Variants in PIK3AP1 observed in about 807,000 individuals in gnomAD.
The protein encoded by PIK3AP1 is phosphoinositide 3-kinase adapter protein 1.
Under a neutral mutation model 88.1 loss-of-function variants are expected in PIK3AP1, and 21 were observed. The observed-to-expected ratio is 0.24, with a 90% confidence interval of 0.17 to 0.34. The LOEUF (loss-of-function observed/expected upper bound fraction) is 0.34. Ranked by LOEUF, PIK3AP1 falls within the 10% of genes least tolerant of loss-of-function variation. The pLI, the probability that PIK3AP1 is intolerant of heterozygous loss-of-function variation, is 1.00. For synonymous variants in PIK3AP1, 398 were observed against 400.0 expected, an observed-to-expected ratio of 1.00 and a Z score of 0.06; for missense variants, 828 against 1,035.7, an observed-to-expected ratio of 0.80 and a Z score of 2.75.
At chr10:96,697,042 T>C (rs1254429307) in intron 2 of PIK3AP1, among the ~76,000 whole-genome samples, 1 of 152,222 alleles carries the variant, frequency 6.6e-6, no homozygotes, top group Non-Finnish European at 1.5e-5. Flanking sequence ...AGTGGCCAAG[T>C]GAATTGCCTC....
Position 96,609,674 on chromosome 10 carries a change from G to A in PIK3AP1, c.2170+38C>T, listed in dbSNP as rs767867421. 4.4e-6 allele frequency: 7 copies of A among 1,602,094 alleles called. No homozygotes were observed. In the South Asian group the frequency reaches 4.4e-5, roughly 10 times the overall value. On this transcript the variant is annotated intron_variant, in intron 14 of 16. Coordinates refer to ENST00000339364, the MANE Select transcript of PIK3AP1 (RefSeq NM_152309.3). The stretch of plus-strand genomic sequence containing the variant: ...GTCCAAGGGTGCCAGCTGGAGCCCA[G>A]TCAAGAAGACCCCACCCCCGCACCC...
chr10:96,614,633 G>A (rs1035835454), intron 13 of PIK3AP1, among the ~76,000 whole-genome samples: 1 of 152,166 alleles, frequency 6.6e-6, no homozygotes. Context: ...ACAGACCCTA[G>A]TAGGGAAAGC....
Position 96,652,838 on chromosome 10 carries a change from T to G in PIK3AP1, c.572A>C (p.Glu191Ala). The change falls in exon 4 of 17, where the codon GAA (glutamate) becomes GCA (alanine). Residue 191 changes from glutamate (E) to alanine (A), a missense_variant. Glu to Ala is a moderately radical substitution (Grantham distance 107). Transcript: ENST00000339364. The stretch of plus-strand genomic sequence containing the variant: ...TCTCACAATAACATAGACAGTGGTT[T>G]CTGCCTGAAACGGGAAGCCGGTCAT... ...VQPDRIRCGAETTVYVIVRCK... is the reference protein window; with the variant it reads ...VQPDRIRCGAATTVYVIVRCK... 1 of 1,613,304 alleles carries G rather than the reference T, an allele frequency of 6.2e-7. No individual in the cohort carries two copies.
At chr10:96,682,009 TATATAGAGAGAGAGAG>T (rs1844008470) in intron 2 of PIK3AP1, among the ~76,000 whole-genome samples, 1 of 128,668 alleles carries the variant, frequency 7.8e-6, no homozygotes, top group African/African-American at 3.4e-5. Flanking sequence ...TATATATATA[TATATAGAGAGAGAGAG>T]AGAGAGAGAG....
intron 2 of PIK3AP1, among the ~76,000 whole-genome samples, chr10:96,681,483 A>G (rs1314823928): frequency 6.6e-6 from 1 of 152,232 alleles, no homozygotes; most frequent in African/African-American, 2.4e-5. Flanking sequence ...AAGGACGACC[A>G]TTAATCCAAT....
At chr10:96,668,846 G>A (rs867988359) in intron 2 of PIK3AP1, among the ~76,000 whole-genome samples, 1 of 152,012 alleles carries the variant, frequency 6.6e-6, no homozygotes, top group Non-Finnish European at 1.5e-5. Flanking sequence ...ACCACCACAC[G>A]GGGCCAGGCG....
chr10:96,698,835 A>C (rs1844255668), intron 2 of PIK3AP1, among the ~76,000 whole-genome samples: 1 of 152,218 alleles, frequency 6.6e-6, no homozygotes, highest in Admixed American at 6.5e-5. Context: ...TGACTGAATA[A>C]ATGAATGAGT....
intron 2 of PIK3AP1, among the ~76,000 whole-genome samples, chr10:96,706,947 G>A (rs539083161): frequency 1.3e-5 from 2 of 152,154 alleles, no homozygotes; most frequent in African/African-American, 4.8e-5. Flanking sequence ...AGGCTATAAG[G>A]CTTCCTTCCT....
At chr10:96,603,698 ACACACACACACAC>A in intron 15 of PIK3AP1, 3 of 225,810 alleles carry the variant, frequency 1.3e-5, no homozygotes, top group Non-Finnish European at 1.7e-5. Context: ...ACACACACAC[ACACACACACACAC>A]CACATATATA....
At chr10:96,711,803 C>T (rs940878142) in intron 1 of PIK3AP1, among the ~76,000 whole-genome samples, 85 of 128,902 alleles carry the variant, frequency 6.6e-4, no homozygotes, top group African/African-American at 2.3e-3. Context: ...CAGGCTGGAG[C>T]GCAGTGGCAC....
intron 8 of PIK3AP1, among the ~76,000 whole-genome samples, chr10:96,639,545 T>C (rs1589506385): frequency 6.6e-6 from 1 of 152,206 alleles, no homozygotes; most frequent in East Asian, 1.9e-4. Flanking sequence ...TTCAATCCAG[T>C]GTGCTTTCAC....
chr10:96,612,974 ATATATATATT>A (rs1849145828), intron 13 of PIK3AP1, among the ~76,000 whole-genome samples: 5 of 84,870 alleles, frequency 5.9e-5, no homozygotes, highest in South Asian at 3.8e-4. Flanking sequence ...ATATATATAT[ATATATATATT>A]TTTTTTTTTT....
chr10:96,689,461 T>G (rs879627594), intron 2 of PIK3AP1, among the ~76,000 whole-genome samples: 3 of 149,474 alleles, frequency 2.0e-5, no homozygotes, highest in Non-Finnish European at 4.4e-5. Context: ...TCCCAGCTAC[T>G]CAGGAGGCCG....
chr10:96,607,715 G>A (rs1020994667), intron 14 of PIK3AP1, among the ~76,000 whole-genome samples: 2 of 152,170 alleles, frequency 1.3e-5, no homozygotes, highest in East Asian at 3.9e-4. Context: ...TAAAGGCCAC[G>A]TGTAGAGAGG....
rs755769271 is a variant in PIK3AP1, at chr10:96,709,805, G to C, written c.192C>G (p.Thr64=). The C allele has an allele frequency of 1.1e-5, 17 of 1,613,616 alleles. No individual in the cohort carries two copies. Among genetic ancestry groups the C allele is most frequent in the Non-Finnish European group, 1.4e-5 (17 of 1,179,590 alleles). ...CGGACAGCAGCACCACGACACAGCG[G>C]GTGCTGAGGAAAAGGCTTAGGTCCT... is the stretch of plus-strand genomic sequence containing the variant. ...SAEDLSLFLS[T]RCVVVLLSAE... The change falls in exon 2 of 17, where the codon ACC becomes ACG. Residue 64 remains threonine, a synonymous_variant. Transcript: ENST00000339364.
At chr10:96,677,626 C>CACACACAA (rs1554960886) in intron 2 of PIK3AP1, among the ~76,000 whole-genome samples, 5 of 146,412 alleles carry the variant, frequency 3.4e-5, no homozygotes, top group African/African-American at 1.3e-4. Flanking sequence ...CACACACACA[C>CACACACAA]AAAAGGCCTT....
chr10:96,700,191 G>T (rs1004944975), intron 2 of PIK3AP1, among the ~76,000 whole-genome samples: 3 of 152,220 alleles, frequency 2.0e-5, no homozygotes, highest in African/African-American at 7.2e-5. Context: ...GAGGGACCAT[G>T]AAAGTGTAAC....
intron 13 of PIK3AP1, among the ~76,000 whole-genome samples, chr10:96,612,950 G>A (rs2082925): frequency 0.014 from 834 of 59,312 alleles, 8 homozygotes; most frequent in African/African-American, 0.045. Context: ...GTGTGTGTGT[G>A]TATATATATA....
intron 2 of PIK3AP1, among the ~76,000 whole-genome samples, chr10:96,693,446 T>C (rs1241175561): frequency 2.6e-5 from 4 of 151,652 alleles, no homozygotes; most frequent in Non-Finnish European, 4.4e-5. Flanking sequence ...GATGAGTGGA[T>C]GGATGGATGG....
Sources: allele counts gnomAD v4.1 joint callset (sites outside exome capture counted in the v4.1 genomes callset), GRCh38; gene constraint gnomAD v4.1.1; transcripts MANE v1.5; gene names NCBI Gene and HGNC (gene_info 2026-07-23, HGNC 2026-07-21).